Variants in RALGAPA2 observed in about 807,000 individuals in gnomAD.
RALGAPA2 encodes ral GTPase-activating protein subunit alpha-2.
A neutral mutation model predicts 230.4 loss-of-function variants in RALGAPA2; 139 were observed. That is an observed-to-expected ratio of 0.60 (90% CI 0.53 to 0.69). RALGAPA2 has a LOEUF of 0.69. Ranked by LOEUF, RALGAPA2 falls within the 30% of genes least tolerant of loss-of-function variation. The pLI is 0.00. For synonymous variants in RALGAPA2, 847 were observed against 837.8 expected (o/e 1.01, Z -0.19); for missense variants, 2,163 against 2,276.0 (o/e 0.95, Z 1.01).
rs563876867 is a variant in RALGAPA2, at chr20:20,623,831, A to G, written c.1234-3201T>C. Among the ~76,000 whole-genome samples, 8 of 152,266 alleles carry G rather than the reference A, an allele frequency of 5.3e-5. No homozygotes were observed. In the East Asian group the frequency reaches 5.8e-4, roughly 11 times the overall value. On this transcript the variant is annotated intron_variant, in intron 10 of 39. Coordinates refer to ENST00000202677, the MANE Select transcript of RALGAPA2 (RefSeq NM_020343.4). ...TCTTCCTAATCTGCATTCGTCATCT[A>G]TTTTGGTGTCTTTTATTTCTTTATT...
intron 36 of RALGAPA2, among the ~76,000 whole-genome samples, chr20:20,478,971 A>G (rs1173592096): frequency 6.6e-6 from 1 of 152,190 alleles, no homozygotes; most frequent in Non-Finnish European, 1.5e-5. Context: ...TAGAAACAAA[A>G]AGGAATCCAA....
rs1302907984 is a variant in RALGAPA2, at chr20:20,456,611, A to G, written c.5495+16218T>C. ...CTGGAGCCTGTAGCAGCCATGTCAG[A>G]AGCCTGACTGCTGCGAGAAGACCCA... On this transcript the variant is annotated intron_variant, in intron 37 of 39. Coordinates refer to ENST00000202677, the MANE Select transcript of RALGAPA2 (RefSeq NM_020343.4). 3.3e-5 allele frequency among the ~76,000 whole-genome samples: 5 copies of G among 152,228 alleles called. No individual in the cohort carries two copies. In the East Asian group the frequency reaches 9.6e-4, roughly 29 times the overall value.
At chr20:20,544,056 TG>T (rs1461809598) in intron 24 of RALGAPA2, among the ~76,000 whole-genome samples, 1 of 151,936 alleles carries the variant, frequency 6.6e-6, no homozygotes, top group Non-Finnish European at 1.5e-5. Context: ...TCATCATCAC[TG>T]GTCATTAGAG....
At chr20:20,559,292 G>A (rs2064182613) in intron 23 of RALGAPA2, among the ~76,000 whole-genome samples, 1 of 152,200 alleles carries the variant, frequency 6.6e-6, no homozygotes, top group South Asian at 2.1e-4. Flanking sequence ...TGGAGGCCTG[G>A]ATGAATTAGA....
At chr20:20,421,705 T>G (rs183968061) in intron 37 of RALGAPA2, among the ~76,000 whole-genome samples, 40 of 152,194 alleles carry the variant, frequency 2.6e-4, no homozygotes, top group African/African-American at 9.4e-4. Flanking sequence ...ACAAACAAAG[T>G]GCAGCCACTG....
Position 20,580,636 on chromosome 20 carries a change from G to A in RALGAPA2, c.2707+2414C>T, listed in dbSNP as rs1346301244. Among the ~76,000 whole-genome samples the A allele has an allele frequency of 3.9e-5, 6 of 152,250 alleles. No individual in the cohort carries two copies. The East Asian group carries it at 1.2e-3, about 29-fold the overall frequency. On this transcript the variant is annotated intron_variant, in intron 20 of 39. Coordinates refer to ENST00000202677, the MANE Select transcript of RALGAPA2 (RefSeq NM_020343.4). ...TCCCTGCATGACCCCTGTTTCCAGG[G>A]ATCCGTGAGTATAAACTTCTTCCTC...
At chr20:20,439,078 G>A (rs2060677273) in intron 37 of RALGAPA2, among the ~76,000 whole-genome samples, 1 of 152,128 alleles carries the variant, frequency 6.6e-6, no homozygotes, top group Non-Finnish European at 1.5e-5. Flanking sequence ...CCCAGGCATG[G>A]AAACGGAGAC....
In RALGAPA2 at chr20:20,675,828, T is replaced by G. The variant is rs553625264; in HGVS notation, c.270+408A>C. Among the ~76,000 whole-genome samples the G allele has an allele frequency of 1.2e-3, 186 of 152,170 alleles. 1 individual carries two copies. The highest frequency in any genetic ancestry group is 4.1e-3 in the African/African-American group (172 of 41,498). ...AGACGAATCATCTCTAATGTTAGAG[T>G]ATAGGAAATTTACATAAGACTTACA... On this transcript the variant is annotated intron_variant, in intron 3 of 39. Coordinates refer to ENST00000202677, the MANE Select transcript of RALGAPA2 (RefSeq NM_020343.4).
chr20:20,634,871 C>A (rs2066804385), intron 9 of RALGAPA2, among the ~76,000 whole-genome samples: 1 of 152,200 alleles, frequency 6.6e-6, no homozygotes, highest in African/African-American at 2.4e-5. Context: ...CAACAGGCCC[C>A]ACACAAGGAG....
At chr20:20,665,172 G>C (rs1029948597) in intron 3 of RALGAPA2, among the ~76,000 whole-genome samples, 4 of 152,190 alleles carry the variant, frequency 2.6e-5, no homozygotes, top group South Asian at 2.1e-4. Context: ...CATGTCTCCT[G>C]CTATCCTAAC....
At chr20:20,603,080 C>T (rs1271618177) in intron 15 of RALGAPA2, among the ~76,000 whole-genome samples, 2 of 152,146 alleles carry the variant, frequency 1.3e-5, no homozygotes, top group African/African-American at 4.8e-5. Context: ...ACTAGATGGA[C>T]GCCAAGGGCC....
chr20:20,539,867 T>G (rs1322962739), intron 24 of RALGAPA2, among the ~76,000 whole-genome samples: 1 of 152,214 alleles, frequency 6.6e-6, no homozygotes, highest in Non-Finnish European at 1.5e-5. Context: ...CACACAGTAT[T>G]TATCTTTCTG....
intron 14 of RALGAPA2, among the ~76,000 whole-genome samples, chr20:20,607,604 G>A (rs2065860363): frequency 6.6e-6 from 1 of 152,002 alleles, no homozygotes; most frequent in Admixed American, 6.6e-5. Context: ...ATAAATATTA[G>A]ATCAATAAAT....
chr20:20,448,605 T>C (rs1466203695), intron 37 of RALGAPA2, among the ~76,000 whole-genome samples: 4 of 152,220 alleles, frequency 2.6e-5, no homozygotes, highest in East Asian at 1.9e-4. Context: ...TTATTTTTAA[T>C]AGAATCTATC....
intron 11 of RALGAPA2, 38 bp downstream of exon 11, chr20:20,620,425 A>T (rs781608768): frequency 6.3e-7 from 1 of 1,597,468 alleles, no homozygotes. Context: ...ACTAAAATAT[A>T]TTTACCCTCA....
chr20:20,603,605 C>A (rs1010075778), intron 15 of RALGAPA2, among the ~76,000 whole-genome samples: 1 of 152,194 alleles, frequency 6.6e-6, no homozygotes, highest in Non-Finnish European at 1.5e-5. Flanking sequence ...CCTCTGGCTG[C>A]TGAAACACGT....
chr20:20,567,163 TACATGTTCTTACAAACATGAAAA>T (rs1282853328), intron 23 of RALGAPA2, among the ~76,000 whole-genome samples: 2 of 152,270 alleles, frequency 1.3e-5, no homozygotes, highest in African/African-American at 4.8e-5. Context: ...CAGTCTCTGA[TACATGTTCTTACAAACATGAAAA>T]TAAAATTCCT....
chr20:20,537,619 CAAAAAAA>C (rs373034061), intron 24 of RALGAPA2, among the ~76,000 whole-genome samples: 2 of 41,090 alleles, frequency 4.9e-5, no homozygotes, highest in African/African-American at 6.9e-5. Flanking sequence ...GACTCCATCT[CAAAAAAA>C]AAAAAAAAAA....
chr20:20,635,752 T>C lies in RALGAPA2; in HGVS notation c.806-135A>G. On this transcript the variant is annotated intron_variant, in intron 8 of 39. Coordinates refer to ENST00000202677, the MANE Select transcript of RALGAPA2 (RefSeq NM_020343.4). ...GCAACTAAGAATGAAGAACCGCAAT[T>C]ATTTAAAATGGCATTTTTTTGGTAG... is the stretch of plus-strand genomic sequence containing the variant. The C allele has an allele frequency of 4.2e-6, 3 of 718,994 alleles. No homozygotes were observed. In the South Asian group the frequency reaches 6.7e-5, roughly 16 times the overall value. The allele number at this position is 718,994 out of a possible 1,614,324, so 44.5% of individuals were successfully genotyped here. A position where few individuals can be genotyped will look rare whatever the true frequency, so the allele number is the denominator to read the frequency against.
Sources: gnomAD v4.1 joint callset for allele counts (sites outside exome capture counted in the v4.1 genomes callset) on GRCh38, gnomAD v4.1.1 for gene constraint, MANE v1.5 for transcripts, NCBI Gene and HGNC (gene_info 2026-07-23, HGNC 2026-07-21) for gene names.